The following GLG1 variants were observed in gnomAD, a reference collection of about 807,000 sequenced individuals.
The protein encoded by GLG1 is golgi glycoprotein 1, also known as Golgi apparatus protein 1.
Under a neutral mutation model 160.5 loss-of-function variants are expected in GLG1, and 38 were observed. That is an observed-to-expected ratio of 0.24 (90% CI 0.18 to 0.31). GLG1 has a LOEUF of 0.31. Among genes scored for constraint, GLG1 ranks in the 10% least tolerant of loss-of-function variants. The pLI, the probability that GLG1 is intolerant of heterozygous loss-of-function variation, is 1.00. For synonymous variants in GLG1, 644 were observed against 543.4 expected (o/e 1.19, Z -2.57); for missense variants, 1,373 against 1,505.2 (o/e 0.91, Z 1.45).
At chr16:74,514,538 C>A (rs1179631931) in intron 2 of GLG1, among the ~76,000 whole-genome samples, 2 of 152,172 alleles carry the variant, frequency 1.3e-5, no homozygotes, top group African/African-American at 4.8e-5. Context: ...TCCAGCCAAA[C>A]TAAGCTTCAT....
chr16:74,577,946 G>A (rs1036408437), intron 1 of GLG1, among the ~76,000 whole-genome samples: 2 of 151,900 alleles, frequency 1.3e-5, no homozygotes, highest in Admixed American at 6.6e-5. Context: ...GCCAAGGTAG[G>A]AGGATTACTT....
Position 74,508,847 on chromosome 16 carries a change from T to C in GLG1, c.550A>G (p.Ile184Val), listed in dbSNP as rs776803868. The change falls in exon 3 of 26, where the codon ATA becomes GTA. Residue 184 changes from isoleucine to valine, a missense_variant. Ile to Val is a conservative substitution (Grantham distance 29). This residue lies in a region of GLG1 where 322 missense variants were observed against 254.6 expected (regional missense o/e 1.26). Coordinates refer to ENST00000422840, the MANE Select transcript of GLG1 (RefSeq NM_001145667.2). ...ATTCTTTGACAACTTACCTCTGTTA[T>C]AGTAGATTTGCAAACCTCTCTGGCC... ...SVAREVCKST[I>V]TEIKECADEP... 9 of 1,424,012 alleles carry C rather than the reference T, an allele frequency of 6.3e-6. No individual in the cohort carries two copies. Among genetic ancestry groups the C allele is most frequent in the Middle Eastern group, 1.8e-4 (1 of 5,702 alleles). The allele number at this position is 1,424,012 out of a possible 1,614,324, so 88.2% of individuals were successfully genotyped here. A position where few individuals can be genotyped will look rare whatever the true frequency, so the allele number is the denominator to read the frequency against.
intron 1 of GLG1, among the ~76,000 whole-genome samples, chr16:74,537,432 T>A (rs542201749): frequency 2.0e-3 from 302 of 151,522 alleles, no homozygotes; most frequent in Middle Eastern, 0.01. Flanking sequence ...TAGTTAGCAA[T>A]AGAAGTGTGT....
At position 74,501,700 on chromosome 16, in the gene GLG1, G is replaced by T. The variant is rs184745968; in HGVS notation, c.774+1831C>A. On this transcript the variant is annotated intron_variant, in intron 4 of 25. Coordinates refer to ENST00000422840, the MANE Select transcript of GLG1 (RefSeq NM_001145667.2). ...CTCATTTCTGATTCCTGAAAAGTAT[G>T]TTTGGAACCCTGTGGAGACTTTAAA... 5.8e-4 allele frequency among the ~76,000 whole-genome samples: 88 copies of T among 152,306 alleles called. 2 individuals are homozygous for T. The highest frequency in any genetic ancestry group is 7.7e-4 in the African/African-American group (32 of 41,556).
At chr16:74,495,985 T>G (rs950869431) in intron 5 of GLG1, among the ~76,000 whole-genome samples, 1 of 152,108 alleles carries the variant, frequency 6.6e-6, no homozygotes, top group African/African-American at 2.4e-5. Context: ...AAAAAATATT[T>G]AAGTCACAGT....
At chr16:74,482,807 G>C (rs1265080039) in intron 10 of GLG1, among the ~76,000 whole-genome samples, 2 of 152,188 alleles carry the variant, frequency 1.3e-5, no homozygotes, top group Non-Finnish European at 1.5e-5. Context: ...TGGTGAACAA[G>C]GATGTGTGGT....
chr16:74,486,944 C>T (rs1235123506), intron 8 of GLG1, among the ~76,000 whole-genome samples: 3 of 147,174 alleles, frequency 2.0e-5, no homozygotes, highest in Admixed American at 6.9e-5. Flanking sequence ...GACAGAGTTT[C>T]GCTCTGTCAC....
At chr16:74,600,232 T>C (rs1315532061) in intron 1 of GLG1, among the ~76,000 whole-genome samples, 1 of 151,976 alleles carries the variant, frequency 6.6e-6, no homozygotes, top group African/African-American at 2.4e-5. Context: ...TTCACGTATA[T>C]TTCCGCTTAG....
At chr16:74,527,870 G>T (rs1176974045) in intron 2 of GLG1, among the ~76,000 whole-genome samples, 2 of 143,786 alleles carry the variant, frequency 1.4e-5, no homozygotes, top group Non-Finnish European at 3.0e-5. Flanking sequence ...GGGATTACAG[G>T]TGCGGTGGTT....
At chr16:74,501,051 C>A (rs2016386182) in intron 4 of GLG1, among the ~76,000 whole-genome samples, 1 of 152,208 alleles carries the variant, frequency 6.6e-6, no homozygotes, top group East Asian at 1.9e-4. Flanking sequence ...TTTCAAGCTT[C>A]AGTGGCAGCA....
At position 74,472,427 on chromosome 16, in the gene GLG1, T is replaced by C. The variant is rs1191096896; in HGVS notation, c.2053-16A>G. On this transcript the variant is annotated splice_polypyrimidine_tract_variant and intron_variant, in intron 13 of 25. Coordinates refer to ENST00000422840, the MANE Select transcript of GLG1 (RefSeq NM_001145667.2). ...TTTGAATATCCTGTAGAAAATTAAA[T>C]ATATTAATACTTCTGCTTTAGAAAG... 7.6e-6 allele frequency: 12 copies of C among 1,571,440 alleles called. No homozygotes were observed. In the East Asian group the frequency reaches 2.2e-4, roughly 29 times the overall value.
chr16:74,497,551 C>T (rs2016242625), intron 4 of GLG1, among the ~76,000 whole-genome samples: 1 of 151,002 alleles, frequency 6.6e-6, no homozygotes, highest in Non-Finnish European at 1.5e-5. Context: ...TATTCTCCTG[C>T]CTCAGTCTCC....
chr16:74,564,205 C>A (rs567509315), intron 1 of GLG1, among the ~76,000 whole-genome samples: 1 of 152,200 alleles, frequency 6.6e-6, no homozygotes, highest in African/African-American at 2.4e-5. Context: ...CAGGTGTGAG[C>A]CATCATACCA....
chr16:74,453,841 G>C (rs2014420693), intron 25 of GLG1, among the ~76,000 whole-genome samples: 1 of 151,352 alleles, frequency 6.6e-6, no homozygotes. Flanking sequence ...GATAAAAGTT[G>C]ACATCGTTTT....
chr16:74,453,876 T>TA (rs2014422652), intron 25 of GLG1, among the ~76,000 whole-genome samples: 1 of 113,350 alleles, frequency 8.8e-6, no homozygotes. Context: ...TTGTAAATTC[T>TA]ATTTTTTTTT....
intron 2 of GLG1, among the ~76,000 whole-genome samples, chr16:74,512,485 G>A (rs1229025676): frequency 2.0e-5 from 3 of 151,932 alleles, no homozygotes; most frequent in African/African-American, 7.3e-5. Flanking sequence ...GGATGGTCTC[G>A]ATCTCCTGAC....
At chr16:74,460,115 A>C (rs1567455728) in intron 22 of GLG1, among the ~76,000 whole-genome samples, 2 of 151,192 alleles carry the variant, frequency 1.3e-5, no homozygotes, top group Non-Finnish European at 2.9e-5. Context: ...TCTGCCTCTC[A>C]TGTTCAAGTG....
intron 2 of GLG1, among the ~76,000 whole-genome samples, chr16:74,526,370 G>GA (rs2017333156): frequency 6.9e-6 from 1 of 145,658 alleles, no homozygotes; most frequent in Non-Finnish European, 1.5e-5. Flanking sequence ...TTGGCACTTA[G>GA]AAAAAACTGA....
chr16:74,495,442 C>T (rs190192550), intron 5 of GLG1, among the ~76,000 whole-genome samples: 2 of 152,268 alleles, frequency 1.3e-5, no homozygotes, highest in African/African-American at 4.8e-5. Context: ...CAAGTGTATG[C>T]TAGAGTTAAC....
Sources: gnomAD v4.1 joint callset for allele counts (sites outside exome capture counted in the v4.1 genomes callset) on GRCh38, gnomAD v4.1.1 for gene constraint, gnomAD v4.1.1 regional missense constraint, MANE v1.5 for transcripts, NCBI Gene and HGNC (gene_info 2026-07-23, HGNC 2026-07-21) for gene names.